Variants in CNTN5 observed in about 807,000 individuals in gnomAD.
CNTN5 encodes the protein contactin 5.
Under a neutral mutation model 129.1 loss-of-function variants are expected in CNTN5, and 77 were observed. That is an observed-to-expected ratio of 0.60 (90% CI 0.50 to 0.72). The LOEUF is 0.72. Among genes scored for constraint, CNTN5 ranks in the 30% least tolerant of loss-of-function variants. CNTN5 has a pLI of 0.00. For missense variants in CNTN5, 1,478 were observed against 1,328.8 expected, an observed-to-expected ratio of 1.11 and a Z score of -1.75; for synonymous variants, 509 against 465.6, an observed-to-expected ratio of 1.09 and a Z score of -1.20.
At chr11:99,499,685 A>G (rs1946356459) in intron 2 of CNTN5, among the ~76,000 whole-genome samples, 1 of 152,350 alleles carries the variant, frequency 6.6e-6, no homozygotes, top group East Asian at 1.9e-4. Context: ...TATTCTAACA[A>G]TTTTGAAAAT....
intron 2 of CNTN5, among the ~76,000 whole-genome samples, chr11:99,353,538 A>G (rs1268286591): frequency 6.6e-6 from 1 of 152,194 alleles, no homozygotes; most frequent in Non-Finnish European, 1.5e-5. Context: ...AGTGCAAACA[A>G]TCCAGTTGCT....
intron 3 of CNTN5, among the ~76,000 whole-genome samples, chr11:99,625,245 G>T (rs1951087107): frequency 6.6e-6 from 1 of 152,114 alleles, no homozygotes; most frequent in South Asian, 2.1e-4. Context: ...TGAATGATGA[G>T]AATTAACTTT....
chr11:99,847,742 T>A (rs1184301729), intron 6 of CNTN5, among the ~76,000 whole-genome samples: 1 of 152,162 alleles, frequency 6.6e-6, no homozygotes, highest in African/African-American at 2.4e-5. Flanking sequence ...GGAGAAAAGA[T>A]GAAGATTTGA....
intron 2 of CNTN5, among the ~76,000 whole-genome samples, chr11:99,354,409 T>A (rs1938503517): frequency 6.6e-6 from 1 of 152,140 alleles, no homozygotes; most frequent in Admixed American, 6.5e-5. Flanking sequence ...AAGCCTAAAA[T>A]TTTTTGAAGA....
intron 3 of CNTN5, among the ~76,000 whole-genome samples, chr11:99,623,980 C>T (rs1951044035): frequency 6.6e-6 from 1 of 152,058 alleles, no homozygotes; most frequent in African/African-American, 2.4e-5. Context: ...ATTCTGTCTT[C>T]AGTTGTTAAC....
Position 99,526,901 on chromosome 11 carries a change from T to C in CNTN5, c.-70-29244T>C, listed in dbSNP as rs146530139. Among the ~76,000 whole-genome samples the C allele has an allele frequency of 1.6e-4, 25 of 152,382 alleles. No individual in the cohort carries two copies. In the East Asian group the frequency reaches 4.8e-3, roughly 29 times the overall value. ...TTCCAAGATCGTGAAACTGCTCTGA[T>C]GTTTTACTCAGAGAGAAACCTTTAC... is the stretch of plus-strand genomic sequence containing the variant. On this transcript the variant is annotated intron_variant, in intron 2 of 24. Transcript: ENST00000524871.
intron 16 of CNTN5, among the ~76,000 whole-genome samples, chr11:100,226,044 A>G (rs1482107591): frequency 6.6e-6 from 1 of 152,068 alleles, no homozygotes; most frequent in Non-Finnish European, 1.5e-5. Flanking sequence ...TCTGTTCAGA[A>G]GGCTACTTGA....
chr11:99,462,361 T>TTTC (rs1565202230), intron 2 of CNTN5, among the ~76,000 whole-genome samples: 1 of 15,170 alleles, frequency 6.6e-5, no homozygotes, highest in African/African-American at 1.9e-4. Flanking sequence ...TTTTCTTTTC[T>TTTC]TTTTTTTTTT....
At chr11:99,204,607 G>T (rs1270750160) in intron 1 of CNTN5, among the ~76,000 whole-genome samples, 2 of 152,138 alleles carry the variant, frequency 1.3e-5, no homozygotes, top group Admixed American at 6.6e-5. Context: ...CAAAAGTTAT[G>T]TCAGCATCAT....
At chr11:99,231,067 G>A (rs1860968168) in intron 1 of CNTN5, among the ~76,000 whole-genome samples, 1 of 152,070 alleles carries the variant, frequency 6.6e-6, no homozygotes. Context: ...TGGGCATTTG[G>A]GTTGATTCCA....
rs1942857168 is a variant in CNTN5 at position 99,420,879 on chromosome 11, C to T, written c.-71+95395C>T. Among the ~76,000 whole-genome samples the T allele has an allele frequency of 2.0e-5, 3 of 152,238 alleles. No homozygotes were observed. In the South Asian group the frequency reaches 6.2e-4, roughly 32 times the overall value. ...CATGAGGACAGAGAACCTGGGAATT[C>T]TCAGTATTCCTGCCCTTTGCTGTCC... On this transcript the variant is annotated intron_variant, in intron 2 of 24. Transcript: ENST00000524871.
intron 3 of CNTN5, among the ~76,000 whole-genome samples, chr11:99,719,466 A>G (rs971964798): frequency 6.6e-5 from 10 of 152,218 alleles, no homozygotes; most frequent in African/African-American, 1.9e-4. Flanking sequence ...TTTCTATAAA[A>G]TAATACAGTG....
intron 9 of CNTN5, among the ~76,000 whole-genome samples, chr11:100,035,316 C>G (rs1190410727): frequency 6.7e-6 from 1 of 148,314 alleles, no homozygotes; most frequent in Non-Finnish European, 1.5e-5. Context: ...TTTTTTATGG[C>G]TGCATAGTAT....
chr11:99,258,775 A>T (rs919788826), intron 1 of CNTN5, among the ~76,000 whole-genome samples: 1 of 151,966 alleles, frequency 6.6e-6, no homozygotes, highest in Non-Finnish European at 1.5e-5. Context: ...TAGGGGTTGA[A>T]TGTAAATTTC....
At chr11:99,902,434 G>T (rs1949383881) in intron 6 of CNTN5, among the ~76,000 whole-genome samples, 2 of 151,876 alleles carry the variant, frequency 1.3e-5, no homozygotes. Flanking sequence ...AGACTATTTG[G>T]GATGCCCTTC....
chr11:99,420,318 T>C (rs1942833439), intron 2 of CNTN5, among the ~76,000 whole-genome samples: 1 of 152,184 alleles, frequency 6.6e-6, no homozygotes, highest in South Asian at 2.1e-4. Context: ...CCCAAAATGA[T>C]GTATCAACTG....
intron 13 of CNTN5, among the ~76,000 whole-genome samples, chr11:100,108,764 C>T (rs149876518): frequency 1.1e-4 from 17 of 150,940 alleles, no homozygotes; most frequent in Admixed American, 9.4e-4. Context: ...TGACAGAGAT[C>T]GCAACTACTC....
At chr11:99,870,132 G>A (rs1339373727) in intron 6 of CNTN5, among the ~76,000 whole-genome samples, 4 of 152,142 alleles carry the variant, frequency 2.6e-5, no homozygotes, top group African/African-American at 2.4e-5. Context: ...TATTTGGAAA[G>A]AGGAAAATGT....
In CNTN5 at chr11:99,099,993, T is replaced by A. The variant is rs188055976; in HGVS notation, c.-210+78723T>A. On this transcript the variant is annotated intron_variant, in intron 1 of 24. Transcript: ENST00000524871. ...TCATATTCTATTATTTCATAGTTAA[T>A]GTTGGTGTCTTGGTACATTAAATCG... Among the ~76,000 whole-genome samples the A allele has an allele frequency of 9.5e-4, 145 of 152,274 alleles. 1 individual carries two copies. The highest frequency in any genetic ancestry group is 3.4e-3 in the African/African-American group (142 of 41,572).
Sources: gnomAD v4.1 joint callset for allele counts (sites outside exome capture counted in the v4.1 genomes callset) on GRCh38, gnomAD v4.1.1 for gene constraint, MANE v1.5 for transcripts, NCBI Gene and HGNC (gene_info 2026-07-23, HGNC 2026-07-21) for gene names.